The following IDH1 variants were observed in gnomAD, a reference collection of about 807,000 sequenced individuals.
The protein encoded by IDH1 is isocitrate dehydrogenase [NADP] cytoplasmic.
A neutral mutation model predicts 46.1 loss-of-function variants in IDH1; 33 were observed. The ratio of observed to expected loss-of-function variants is 0.72; its 90% confidence interval spans 0.54 to 0.96. The LOEUF (loss-of-function observed/expected upper bound fraction) is 0.96. IDH1 is among the 40% of genes least tolerant of loss of function. The pLI is 0.00. For missense variants in IDH1, 421 were observed against 515.7 expected, an observed-to-expected ratio of 0.82 and a Z score of 1.78; for synonymous variants, 144 against 172.8, an observed-to-expected ratio of 0.83 and a Z score of 1.31.
chr2:208,251,295 G>C (rs1688118774), intron 3 of IDH1, 135 bp downstream of exon 3: 1 of 807,454 alleles, frequency 1.2e-6, no homozygotes, highest in East Asian at 2.6e-5. Context: ...TGTTGCCCAG[G>C]CTGGACTTGA....
intron 2 of IDH1, among the ~76,000 whole-genome samples, chr2:208,253,526 A>C (rs2124870806): frequency 6.6e-6 from 1 of 151,932 alleles, no homozygotes; most frequent in East Asian, 1.9e-4. Context: ...AGCTCATATG[A>C]AGTAGCTGAA....
intron 8 of IDH1, 102 bp downstream of exon 8, chr2:208,239,761 G>T: frequency 9.4e-7 from 1 of 1,059,226 alleles, no homozygotes; most frequent in Non-Finnish European, 1.5e-6. Flanking sequence ...TCAGCTACTT[G>T]GTGATGACTT....
At chr2:208,245,761 G>A (rs1054839593) in intron 4 of IDH1, among the ~76,000 whole-genome samples, 9 of 134,912 alleles carry the variant, frequency 6.7e-5, no homozygotes, top group Non-Finnish European at 1.2e-4. Context: ...GCTTTCAAAT[G>A]CCAAAAGAGG....
At chr2:208,251,988 C>T (rs776264232) in intron 2 of IDH1, among the ~76,000 whole-genome samples, 3 of 152,172 alleles carry the variant, frequency 2.0e-5, no homozygotes, top group Non-Finnish European at 2.9e-5. Flanking sequence ...TCCACAATCT[C>T]ATGTTTATTG....
intron 3 of IDH1, among the ~76,000 whole-genome samples, chr2:208,250,875 G>A (rs1157181668): frequency 1.3e-5 from 2 of 152,222 alleles, no homozygotes; most frequent in African/African-American, 4.8e-5. Context: ...TAAAGTGATA[G>A]AAAATTGAGT....
Position 208,248,465 on chromosome 2 carries a change from C to A in IDH1, c.318G>T (p.Thr106=), listed in dbSNP as rs763562621. ...NGTIRNILGG[T]VFREAIICKN... ...TGCAGATAATGGCTTCTCTGAAGAC[C>A]GTGCCACCCAGAATATTTCGTATGG... Residue 106 remains threonine, a synonymous_variant, in exon 4 of 10, where the codon ACG becomes ACT. Transcript: ENST00000345146. 1 of 1,614,040 alleles carries A rather than the reference C, an allele frequency of 6.2e-7. No individual in the cohort carries two copies. The highest frequency in any genetic ancestry group is 8.5e-7 in the Non-Finnish European group (1 of 1,179,928).
At chr2:208,254,602 T>C (rs1048740916) in intron 1 of IDH1, 1 of 152,506 alleles carries the variant, frequency 6.6e-6, no homozygotes, top group Non-Finnish European at 1.5e-5. Flanking sequence ...CTTAGTCTTC[T>C]ACATGCATTC....
intron 3 of IDH1, 103 bp from the exon 4 acceptor site, chr2:208,248,763 G>T: frequency 9.0e-7 from 1 of 1,112,736 alleles, no homozygotes; most frequent in Non-Finnish European, 1.3e-6. Context: ...GAAAGCGAAG[G>T]CTCTGAGTAC....
intron 4 of IDH1, among the ~76,000 whole-genome samples, chr2:208,246,382 A>G (rs1431518885): frequency 6.6e-6 from 1 of 152,200 alleles, no homozygotes; most frequent in Non-Finnish European, 1.5e-5. Context: ...AAAGAGCAGT[A>G]AGTAACAATA....
At chr2:208,251,777 T>A (rs1688129981) in intron 2 of IDH1, among the ~76,000 whole-genome samples, 1 of 152,164 alleles carries the variant, frequency 6.6e-6, no homozygotes, top group African/African-American at 2.4e-5. Flanking sequence ...TATTGTGTTA[T>A]GTTTCACACG....
At chr2:208,252,941 G>A (rs1045074793) in intron 2 of IDH1, among the ~76,000 whole-genome samples, 4 of 152,192 alleles carry the variant, frequency 2.6e-5, no homozygotes, top group African/African-American at 9.7e-5. Context: ...CATTTGTAAT[G>A]TCAAGTATAA....
intron 7 of IDH1, among the ~76,000 whole-genome samples, chr2:208,241,565 A>T (rs999072677): frequency 6.6e-6 from 1 of 152,098 alleles, no homozygotes; most frequent in Admixed American, 6.6e-5. Context: ...CCAGAACAGC[A>T]GCTGGCAGAG....
At chr2:208,245,282 TAAA>T in intron 5 of IDH1, 34 bp downstream of exon 5, 1 of 921,430 alleles carries the variant, frequency 1.1e-6, no homozygotes, top group Non-Finnish European at 1.7e-6. Flanking sequence ...ATCATTTGTT[TAAA>T]AAAAAAAGAA....
At chr2:208,242,211 C>T in intron 6 of IDH1, 66 bp from the exon 7 acceptor site, 1 of 1,446,840 alleles carries the variant, frequency 6.9e-7, no homozygotes. Flanking sequence ...ATATCATCTG[C>T]TTGTCCCAAA....
intron 2 of IDH1, among the ~76,000 whole-genome samples, chr2:208,252,696 T>C (rs565626541): frequency 1.3e-5 from 2 of 152,316 alleles, no homozygotes; most frequent in East Asian, 3.9e-4. Flanking sequence ...TCTTGAAAAA[T>C]TGAGCTAAAG....
At position 208,245,315 on chromosome 2, in the gene IDH1, A is replaced by T. The variant is rs2124857110; in HGVS notation, c.520+4T>A. The T allele has an allele frequency of 6.9e-7, 1 of 1,456,086 alleles. No homozygotes were observed. Among genetic ancestry groups the T allele is most frequent in the Non-Finnish European group, 9.6e-7 (1 of 1,037,366 alleles). 90.2% of individuals were successfully genotyped at this position (1,456,086 alleles called of 1,614,324 possible). On this transcript the variant is annotated splice_donor_region_variant and intron_variant, in intron 5 of 9. Transcript: ENST00000345146. ...AAAGAAGCTTATGCTACAGTCATAC[A>T]TACCTTCAAAGTTATGTACCAGGTA...
Position 208,251,436 on chromosome 2 carries a change from A to G in IDH1, c.116T>C (p.Leu39Pro). ...GGAGGGGTAACTCATTTACCTATGT[A>G]GATCCAATTCCACGTAGGGAAAAAT... ...KLIFPYVELD[L>P]HSYDLGIENR... The change falls in exon 3 of 10, where the codon CTA becomes CCA. Residue 39 changes from leucine (L) to proline (P), a missense_variant. Leu to Pro is a moderately conservative substitution (Grantham distance 98). Coordinates refer to ENST00000345146, the MANE Select transcript of IDH1 (RefSeq NM_005896.4). The G allele has an allele frequency of 6.2e-7, 1 of 1,613,198 alleles. No homozygotes were observed. Among genetic ancestry groups the G allele is most frequent in the Non-Finnish European group, 8.5e-7 (1 of 1,179,800 alleles).
rs1687843102 is a variant in IDH1, at chr2:208,237,890, C to T, written c.1155-721G>A. Reference sequence around the variant, plus strand: ...GCAGTGAGCGAAGATCACGCCACTGCACTCCAGCCTGGGCAAAGCGAGACT... The same window carrying T: ...GCAGTGAGCGAAGATCACGCCACTGTACTCCAGCCTGGGCAAAGCGAGACT... On this transcript the variant is annotated intron_variant, in intron 9 of 9. Coordinates refer to ENST00000345146, the MANE Select transcript of IDH1 (RefSeq NM_005896.4). Among the ~76,000 whole-genome samples, 3 of 151,242 alleles carry T rather than the reference C, an allele frequency of 2.0e-5. No homozygotes were observed. The South Asian group carries it at 6.3e-4, about 32-fold the overall frequency.
Position 208,244,268 on chromosome 2 carries a change from C to T in IDH1, c.521-664G>A, listed in dbSNP as rs535464050. On this transcript the variant is annotated intron_variant, in intron 5 of 9. Transcript: ENST00000345146. The stretch of plus-strand genomic sequence containing the variant: ...ACCAGGAACAGGTGTTGGAGCCAGG[C>T]TTGTACAGCCTGCAGAACCATGAGC... Among the ~76,000 whole-genome samples, 12 of 152,312 alleles carry T rather than the reference C, an allele frequency of 7.9e-5. No individual in the cohort carries two copies. The South Asian group carries it at 2.5e-3, about 32-fold the overall frequency.
Sources: gnomAD v4.1 joint callset for allele counts (sites outside exome capture counted in the v4.1 genomes callset) on GRCh38, gnomAD v4.1.1 for gene constraint, MANE v1.5 for transcripts, NCBI Gene and HGNC (gene_info 2026-07-23, HGNC 2026-07-21) for gene names.